The following ROBO2 variants were observed in gnomAD, a reference collection of about 807,000 sequenced individuals.
ROBO2 encodes the protein roundabout guidance receptor 2.
A neutral mutation model predicts 160.8 loss-of-function variants in ROBO2; 53 were observed. The ratio of observed to expected loss-of-function variants is 0.33; its 90% CI spans 0.26 to 0.41. The LOEUF (loss-of-function observed/expected upper bound fraction) is 0.41, where lower values mean the gene tolerates loss of function less well. Ranked by LOEUF, ROBO2 falls within the 10% of genes least tolerant of loss-of-function variation. The pLI is 1.00. For missense variants in ROBO2, 1,577 were observed against 1,722.4 expected (o/e 0.92, Z 1.49); for synonymous variants, 664 against 611.7 (o/e 1.09, Z -1.26).
intron 2 of ROBO2, among the ~76,000 whole-genome samples, chr3:76,394,277 T>C (rs1031695322): frequency 6.6e-6 from 1 of 152,188 alleles, no homozygotes; most frequent in Middle Eastern, 3.2e-3. Flanking sequence ...GTTGTTCCTT[T>C]CCATGTTTAG....
At chr3:76,452,998 C>T (rs1577299873) in intron 2 of ROBO2, among the ~76,000 whole-genome samples, 1 of 152,220 alleles carries the variant, frequency 6.6e-6, no homozygotes, top group East Asian at 1.9e-4. Flanking sequence ...TGTTCATGTC[C>T]TTTGCCCACT....
intron 2 of ROBO2, among the ~76,000 whole-genome samples, chr3:76,184,301 G>A (rs994270084): frequency 6.6e-6 from 1 of 152,008 alleles, no homozygotes; most frequent in African/African-American, 2.4e-5. Context: ...TCCTCCAGTG[G>A]GTTGCCCTGG....
At chr3:77,626,793 G>A (rs1441680628) in intron 23 of ROBO2, among the ~76,000 whole-genome samples, 3 of 152,268 alleles carry the variant, frequency 2.0e-5, no homozygotes, top group Admixed American at 1.3e-4. Context: ...CAAGTAAAAA[G>A]TTTCCTTGAC....
At chr3:76,923,487 T>G (rs1409441586) in intron 2 of ROBO2, among the ~76,000 whole-genome samples, 1 of 152,198 alleles carries the variant, frequency 6.6e-6, no homozygotes, top group Non-Finnish European at 1.5e-5. Flanking sequence ...AGAGTCTCTA[T>G]TTCATCAAAT....
At chr3:76,566,538 G>C (rs987340523) in intron 2 of ROBO2, among the ~76,000 whole-genome samples, 3 of 152,094 alleles carry the variant, frequency 2.0e-5, no homozygotes, top group African/African-American at 7.2e-5. Context: ...ATCCAATAAA[G>C]AATCTAGTTT....
rs2095396485 is a variant in ROBO2 at position 77,644,887 on chromosome 3, A to ATATAT, written c.4118_4119insTATAT (p.Gln1373HisfsTer11). The stretch of plus-strand genomic sequence containing the variant: ...TATATGGGCTCCAACAGTCAAGGAC[A>ATATAT]GTTTACAGGTGAATTATGTAAGTGC... On this transcript the variant is annotated frameshift_variant, in exon 25 of 26. Coordinates refer to ENST00000461745, the Ensembl canonical transcript of ROBO2. LOFTEE classifies it high-confidence loss of function. 1.9e-6 allele frequency: 3 copies of ATATAT among 1,614,112 alleles called. No homozygotes were observed. Among genetic ancestry groups the ATATAT allele is most frequent in the Admixed American group, 1.7e-5 (1 of 60,016 alleles).
chr3:77,583,173 AAGG>A (rs1383561829), intron 16 of ROBO2, among the ~76,000 whole-genome samples: 126 of 151,190 alleles, frequency 8.3e-4, no homozygotes, highest in African/African-American at 2.9e-3. Flanking sequence ...AAAAAAAAAA[AAGG>A]AAAAAACATT....
intron 1 of ROBO2, among the ~76,000 whole-genome samples, chr3:77,059,630 A>G (rs966010633): frequency 1.3e-5 from 2 of 152,172 alleles, no homozygotes; most frequent in Non-Finnish European, 2.9e-5. Flanking sequence ...TGGGAATTTA[A>G]ATTGCCAGAG....
chr3:76,208,738 C>T (rs1253298901), intron 2 of ROBO2, among the ~76,000 whole-genome samples: 1 of 152,072 alleles, frequency 6.6e-6, no homozygotes, highest in African/African-American at 2.4e-5. Context: ...ACGATTTGTA[C>T]CCATTTCCTC....
chr3:77,631,403 T>G lies in ROBO2; in HGVS notation c.3761-3467T>G, dbSNP rs2153713104. 2 of 152,334 alleles carry G rather than the reference T, an allele frequency of 1.3e-5. 1 individual carries two copies. Among genetic ancestry groups the G allele is most frequent in the South Asian group, 4.1e-4 (2 of 4,830 alleles). 9.4% of individuals were successfully genotyped at this position (152,334 alleles called of 1,614,324 possible). A position where few individuals can be genotyped will look rare whatever the true frequency, so the allele number is the denominator to read the frequency against. Reference sequence around the variant, plus strand: ...AATTAAATGGTCTATAGCATTTGACTTTCATCTCTTTTATGTAAATATGTA... The same window carrying G: ...AATTAAATGGTCTATAGCATTTGACGTTCATCTCTTTTATGTAAATATGTA... On this transcript the variant is annotated intron_variant, in intron 23 of 25. Transcript: ENST00000461745.
intron 2 of ROBO2, among the ~76,000 whole-genome samples, chr3:76,282,737 A>G (rs1416269618): frequency 1.3e-5 from 2 of 151,882 alleles, no homozygotes; most frequent in African/African-American, 4.8e-5. Flanking sequence ...ATCAAATCCC[A>G]TGTTTAGTTT....
intron 2 of ROBO2, among the ~76,000 whole-genome samples, chr3:77,444,676 G>T (rs933423482): frequency 6.6e-6 from 1 of 152,070 alleles, no homozygotes. Context: ...TGATACTGAA[G>T]GCTCTCAGTG....
chr3:76,259,827 A>G (rs1706631086), intron 2 of ROBO2, among the ~76,000 whole-genome samples: 1 of 152,104 alleles, frequency 6.6e-6, no homozygotes, highest in Non-Finnish European at 1.5e-5. Flanking sequence ...AGTGAACAGG[A>G]AGCTTATGCT....
chr3:77,618,819 C>T (rs1313493221), intron 22 of ROBO2, among the ~76,000 whole-genome samples: 6 of 152,124 alleles, frequency 3.9e-5, no homozygotes, highest in African/African-American at 7.2e-5. Context: ...CAGATGCTTT[C>T]TCAAAGGTCA....
intron 2 of ROBO2, among the ~76,000 whole-genome samples, chr3:77,379,339 A>G (rs1400031178): frequency 2.6e-5 from 4 of 152,154 alleles, no homozygotes; most frequent in African/African-American, 7.2e-5. Context: ...AAATATGGTG[A>G]CTTAATTTTG....
intron 4 of ROBO2, among the ~76,000 whole-genome samples, chr3:77,484,242 A>G (rs531376215): frequency 1.3e-5 from 2 of 152,134 alleles, no homozygotes; most frequent in South Asian, 2.1e-4. Context: ...TATAGTCCCT[A>G]GAAGTTTACA....
chr3:76,931,094 T>G (rs908570349), intron 2 of ROBO2, among the ~76,000 whole-genome samples: 12 of 152,182 alleles, frequency 7.9e-5, no homozygotes, highest in African/African-American at 2.9e-4. Context: ...AGGCAAGGAC[T>G]GTATAAAGGA....
At chr3:77,209,724 A>C (rs1238482511) in intron 2 of ROBO2, among the ~76,000 whole-genome samples, 1 of 152,208 alleles carries the variant, frequency 6.6e-6, no homozygotes, top group East Asian at 1.9e-4. Context: ...AATCTACAAA[A>C]TTAGAGGATT....
chr3:77,392,427 T>G (rs2074831941), intron 2 of ROBO2, among the ~76,000 whole-genome samples: 2 of 152,240 alleles, frequency 1.3e-5, no homozygotes, highest in Non-Finnish European at 2.9e-5. Context: ...CTGTTTTTCT[T>G]GCTGCAGGCA....
Sources: gnomAD v4.1 joint callset for allele counts (sites outside exome capture counted in the v4.1 genomes callset) on GRCh38, gnomAD v4.1.1 for gene constraint, MANE v1.5 for transcripts, NCBI Gene and HGNC (gene_info 2026-07-23, HGNC 2026-07-21) for gene names.